TRPS1: variants seen among roughly 807,000 people sequenced by gnomAD.
TRPS1 encodes transcriptional repressor GATA binding 1.
Under a neutral mutation model 101.2 loss-of-function variants are expected in TRPS1, and 6 were observed. The ratio of observed to expected loss-of-function variants is 0.06; its 90% CI spans 0.03 to 0.12. TRPS1 has a LOEUF of 0.12. Among genes scored for constraint, TRPS1 ranks in the 10% least tolerant of loss-of-function variants. TRPS1 has a pLI of 1.00. For synonymous variants in TRPS1, 578 were observed against 589.8 expected, an observed-to-expected ratio of 0.98 and a Z score of 0.29; for missense variants, 1,363 against 1,567.0, an observed-to-expected ratio of 0.87 and a Z score of 2.20.
At chr8:115,461,131 GT>G (rs1363699275) in intron 5 of TRPS1, among the ~76,000 whole-genome samples, 1 of 152,076 alleles carries the variant, frequency 6.6e-6, no homozygotes, top group African/African-American at 2.4e-5. Flanking sequence ...GGAATTGTAG[GT>G]AATAATAGTC....
rs1817594901 is a variant in TRPS1, at chr8:115,587,575, T to C, written c.2126A>G (p.Gln709Arg). Reference sequence around the variant, plus strand: ...AGTATCGGCAGCTGTAAAACTGCACTGACGGCATTTGTAGCAGCTGTGTGC... The same window carrying C: ...AGTATCGGCAGCTGTAAAACTGCACCGACGGCATTTGTAGCAGCTGTGTGC... ...RRAHSCYKCRQCSFTAADTQS... is the reference protein window; with the variant it reads ...RRAHSCYKCRRCSFTAADTQS... The change falls in exon 5 of 7, where the codon CAG (glutamine) becomes CGG (arginine). Residue 709 changes from glutamine to arginine, a missense_variant. Gln to Arg is a conservative substitution (Grantham distance 43). This residue lies in a region of TRPS1 where 1,020 missense variants were observed against 1,073.0 expected (regional missense o/e 0.95). Coordinates refer to ENST00000395715, the MANE Select transcript of TRPS1 (RefSeq NM_014112.5). 3.7e-6 allele frequency: 6 copies of C among 1,614,184 alleles called. No individual in the cohort carries two copies. The highest frequency in any genetic ancestry group is 5.1e-6 in the Non-Finnish European group (6 of 1,180,020).
intron 5 of TRPS1, among the ~76,000 whole-genome samples, chr8:115,566,564 G>T (rs2130383303): frequency 6.6e-6 from 1 of 151,572 alleles, no homozygotes; most frequent in East Asian, 1.9e-4. Context: ...TATTCCTAAG[G>T]TCAGAAAAAC....
chr8:115,529,803 C>T (rs937189209), intron 5 of TRPS1, among the ~76,000 whole-genome samples: 5 of 152,134 alleles, frequency 3.3e-5, no homozygotes, highest in African/African-American at 1.2e-4. Flanking sequence ...TACTTGATAA[C>T]TCTAGTTTTC....
chr8:115,581,683 T>G (rs1277494199), intron 5 of TRPS1, among the ~76,000 whole-genome samples: 2 of 152,138 alleles, frequency 1.3e-5, no homozygotes, highest in African/African-American at 4.8e-5. Context: ...AACTTTCTAC[T>G]GTCAAAAATG....
chr8:115,567,519 T>C (rs760336676), intron 5 of TRPS1, among the ~76,000 whole-genome samples: 58 of 152,020 alleles, frequency 3.8e-4, no homozygotes, highest in Admixed American at 1.7e-3. Flanking sequence ...TCTATACCAA[T>C]ACCAAATCTT....
intron 5 of TRPS1, among the ~76,000 whole-genome samples, chr8:115,468,137 C>T (rs1814373396): frequency 6.6e-6 from 1 of 152,134 alleles, no homozygotes; most frequent in Admixed American, 6.5e-5. Context: ...GTAACTGTAA[C>T]TCATCAAGTT....
intron 5 of TRPS1, among the ~76,000 whole-genome samples, chr8:115,448,154 A>G (rs1813783479): frequency 6.6e-6 from 1 of 152,196 alleles, no homozygotes; most frequent in Non-Finnish European, 1.5e-5. Flanking sequence ...TATCTTAGCC[A>G]TCCTCCAAAT....
chr8:115,555,361 ATC>A (rs1424043470), intron 5 of TRPS1, among the ~76,000 whole-genome samples: 2 of 108,214 alleles, frequency 1.8e-5, no homozygotes, highest in East Asian at 7.1e-4. Context: ...TTATTTCAAC[ATC>A]TGTTTCTCAC....
chr8:115,492,554 G>A (rs1815054249), intron 5 of TRPS1, among the ~76,000 whole-genome samples: 1 of 151,970 alleles, frequency 6.6e-6, no homozygotes, highest in South Asian at 2.1e-4. Flanking sequence ...TGGGGTGGGT[G>A]CTATTGTCAT....
intron 5 of TRPS1, among the ~76,000 whole-genome samples, chr8:115,543,633 A>G (rs1816504971): frequency 6.6e-6 from 1 of 152,102 alleles, no homozygotes; most frequent in Non-Finnish European, 1.5e-5. Flanking sequence ...TTCTTCATAC[A>G]AGATTAACTT....
intron 1 of TRPS1, among the ~76,000 whole-genome samples, chr8:115,639,898 C>A (rs1818856372): frequency 6.6e-6 from 1 of 152,128 alleles, no homozygotes; most frequent in African/African-American, 2.4e-5. Context: ...TATGTCACTT[C>A]ATGAGGTAAA....
At chr8:115,642,680 AT>A (rs1166039770) in intron 1 of TRPS1, among the ~76,000 whole-genome samples, 14 of 151,852 alleles carry the variant, frequency 9.2e-5, no homozygotes, top group Admixed American at 8.5e-4. Context: ...GTGCATGGTA[AT>A]TTCTCCTAGA....
At chr8:115,421,232 G>A (rs1354506105) in intron 5 of TRPS1, among the ~76,000 whole-genome samples, 3 of 151,972 alleles carry the variant, frequency 2.0e-5, no homozygotes, top group African/African-American at 7.3e-5. Flanking sequence ...TGATCTGCCC[G>A]CCTCGGCCTC....
chr8:115,536,669 T>C lies in TRPS1; in HGVS notation c.2700+50332A>G, dbSNP rs1015661860. On this transcript the variant is annotated intron_variant, in intron 5 of 6. Coordinates refer to ENST00000395715, the MANE Select transcript of TRPS1 (RefSeq NM_014112.5). ...AATATAAAAGGTACCATAAATCCAG[T>C]TGGCAAATTTGCCAACCTGTTCACT... 3.0e-4 allele frequency among the ~76,000 whole-genome samples: 46 copies of C among 152,046 alleles called. 1 individual carries two copies. Among genetic ancestry groups the C allele is most frequent in the Admixed American group, 1.5e-3 (23 of 15,258 alleles).
At chr8:115,520,378 G>T (rs962099628) in intron 5 of TRPS1, among the ~76,000 whole-genome samples, 1 of 151,684 alleles carries the variant, frequency 6.6e-6, no homozygotes, top group African/African-American at 2.4e-5. Context: ...TTATCTTTCA[G>T]CTCTTCTCCC....
At chr8:115,416,836 A>G (rs1812933742) in intron 6 of TRPS1, among the ~76,000 whole-genome samples, 1 of 152,098 alleles carries the variant, frequency 6.6e-6, no homozygotes. Flanking sequence ...TTTTGCTCAG[A>G]ATATCCAGGT....
chr8:115,442,100 A>T (rs1453012299), intron 5 of TRPS1, among the ~76,000 whole-genome samples: 1 of 152,200 alleles, frequency 6.6e-6, no homozygotes, highest in African/African-American at 2.4e-5. Context: ...CTGATACTTT[A>T]GCTTTTCTGG....
At chr8:115,479,424 G>A (rs1428945679) in intron 5 of TRPS1, among the ~76,000 whole-genome samples, 1 of 152,016 alleles carries the variant, frequency 6.6e-6, no homozygotes, top group African/African-American at 2.4e-5. Context: ...ATATATAGTG[G>A]TTTGCACAGT....
At chr8:115,498,115 C>T (rs1447079839) in intron 5 of TRPS1, among the ~76,000 whole-genome samples, 8 of 152,102 alleles carry the variant, frequency 5.3e-5, no homozygotes, top group South Asian at 4.2e-4. Context: ...TGGTGGCTCA[C>T]GCCTGTCATC....
Sources: allele counts gnomAD v4.1 joint callset (sites outside exome capture counted in the v4.1 genomes callset), GRCh38; gene constraint gnomAD v4.1.1; regional missense constraint gnomAD v4.1.1; transcripts MANE v1.5; gene names NCBI Gene and HGNC (gene_info 2026-07-23, HGNC 2026-07-21).